The following CYTH3 variants were observed in gnomAD, a reference collection of about 807,000 sequenced individuals.
The protein encoded by CYTH3 is cytohesin 3.
In CYTH3, 23 loss-of-function variants were observed where a neutral mutation model predicts 55.1. The observed-to-expected ratio is 0.42, with a 90% CI of 0.30 to 0.59. The LOEUF (loss-of-function observed/expected upper bound fraction) is 0.59. CYTH3 is among the 20% of genes least tolerant of loss of function. CYTH3 has a pLI of 0.20. For synonymous variants in CYTH3, 249 were observed against 194.9 expected (o/e 1.28, Z -2.31); for missense variants, 413 against 524.8 (o/e 0.79, Z 2.08).
rs751144629 is a variant in CYTH3 at position 6,170,652 on chromosome 7, A to G, written c.712-6T>C. ...TTAATGCTCTCATACAAATTCTGCA[A>G]GGAGGGAAAACAGCAGCCAGTTCAG... On this transcript the variant is annotated splice_polypyrimidine_tract_variant and splice_region_variant and intron_variant, in intron 8 of 12. Coordinates refer to ENST00000350796, the MANE Select transcript of CYTH3 (RefSeq NM_004227.4). This position sits in a 1 kb window ranked among gnomAD's most constrained non-coding sequence, Gnocchi z 7.8. The G allele has an allele frequency of 2.5e-6, 4 of 1,612,606 alleles. No individual in the cohort carries two copies. The African/African-American group carries it at 4.0e-5, about 16-fold the overall frequency.
Position 6,272,457 on chromosome 7 carries a change from A to C in CYTH3, c.34+17T>G, listed in dbSNP as rs2115077237. On this transcript the variant is annotated intron_variant, in intron 1 of 12. Transcript: ENST00000350796. ...ACCCCAGGCCGCCGGCGAGCCCACC[A>C]CACCTCCGACACTCACCGCCACCAC... is the stretch of plus-strand genomic sequence containing the variant. 5 of 1,290,056 alleles carry C rather than the reference A, an allele frequency of 3.9e-6. No individual in the cohort carries two copies. The highest frequency in any genetic ancestry group is 2.8e-5 in the Admixed American group (1 of 35,490). 79.9% of individuals were successfully genotyped at this position (1,290,056 alleles called of 1,614,324 possible). A position where few individuals can be genotyped will look rare whatever the true frequency, so the allele number is the denominator to read the frequency against.
At chr7:6,221,500 G>T (rs772858540) in intron 1 of CYTH3, among the ~76,000 whole-genome samples, 37 of 152,058 alleles carry the variant, frequency 2.4e-4, no homozygotes, top group African/African-American at 8.7e-4. Context: ...TGATTGCAGC[G>T]GTGGCTACAT....
chr7:6,181,143 C>T (rs1783494194), intron 4 of CYTH3, among the ~76,000 whole-genome samples: 1 of 152,084 alleles, frequency 6.6e-6, no homozygotes, highest in African/African-American at 2.4e-5. Flanking sequence ...CTGTTCCTTC[C>T]TTCCTTCCTT....
intron 1 of CYTH3, among the ~76,000 whole-genome samples, chr7:6,223,836 TAAAAAAAAAA>T (rs58813864): frequency 2.1e-3 from 51 of 24,284 alleles, no homozygotes; most frequent in Non-Finnish European, 3.9e-3. Flanking sequence ...CAATAAATAC[TAAAAAAAAAA>T]AAAAAAAAAA....
At chr7:6,185,626 G>C (rs1419562872) in intron 4 of CYTH3, among the ~76,000 whole-genome samples, 1 of 151,734 alleles carries the variant, frequency 6.6e-6, no homozygotes, top group East Asian at 1.9e-4. Flanking sequence ...TGTGAACCCG[G>C]GAGGTGGAGC....
At chr7:6,255,014 C>G (rs1780062429) in intron 1 of CYTH3, among the ~76,000 whole-genome samples, 1 of 152,212 alleles carries the variant, frequency 6.6e-6, no homozygotes, top group Admixed American at 6.5e-5. Flanking sequence ...TCACTCTACT[C>G]AGTATGTAAA....
intron 1 of CYTH3, among the ~76,000 whole-genome samples, chr7:6,190,738 G>A (rs932775375): frequency 1.3e-5 from 2 of 152,038 alleles, no homozygotes; most frequent in East Asian, 1.9e-4. Flanking sequence ...GTAAGAACAC[G>A]AATAAATTGC....
chr7:6,236,965 T>A (rs752936925), intron 1 of CYTH3, among the ~76,000 whole-genome samples: 2 of 152,222 alleles, frequency 1.3e-5, no homozygotes, highest in Non-Finnish European at 2.9e-5. Flanking sequence ...ACAAAGACTC[T>A]CATGGTCAGT....
intron 1 of CYTH3, among the ~76,000 whole-genome samples, chr7:6,242,145 C>T (rs144158385): frequency 2.0e-3 from 296 of 149,562 alleles, no homozygotes; most frequent in African/African-American, 6.9e-3. Context: ...GGTACAATCT[C>T]GGCTCACTGC....
intron 1 of CYTH3, among the ~76,000 whole-genome samples, chr7:6,227,778 A>G (rs970431811): frequency 2.2e-4 from 34 of 152,230 alleles, no homozygotes; most frequent in African/African-American, 7.7e-4. Context: ...CCAATACGAT[A>G]TCTCATAAAC....
intron 1 of CYTH3, among the ~76,000 whole-genome samples, chr7:6,252,009 T>C (rs942524750): frequency 6.6e-6 from 1 of 152,190 alleles, no homozygotes; most frequent in Non-Finnish European, 1.5e-5. Flanking sequence ...CTTTAAAACA[T>C]AATTCATTTT....
At chr7:6,203,268 T>G (rs1252741389) in intron 1 of CYTH3, among the ~76,000 whole-genome samples, 1 of 152,144 alleles carries the variant, frequency 6.6e-6, no homozygotes, top group Non-Finnish European at 1.5e-5. Context: ...TATACTTCAC[T>G]GATTATAAGA....
chr7:6,254,955 T>C (rs1450257097), intron 1 of CYTH3, among the ~76,000 whole-genome samples: 2 of 152,232 alleles, frequency 1.3e-5, no homozygotes, highest in Non-Finnish European at 2.9e-5. Context: ...AATAATCATA[T>C]TGCCAATCAT....
chr7:6,196,456 CTTTTT>C (rs5882084), intron 1 of CYTH3, among the ~76,000 whole-genome samples: 3 of 113,986 alleles, frequency 2.6e-5, no homozygotes, highest in Admixed American at 1.9e-4. Context: ...TTCTTTTTTT[CTTTTT>C]TTTTTTTTTT....
chr7:6,209,441 C>A (rs939442367), intron 1 of CYTH3, among the ~76,000 whole-genome samples: 5 of 152,218 alleles, frequency 3.3e-5, no homozygotes, highest in Non-Finnish European at 7.3e-5. Context: ...CTTCTGAGAT[C>A]AAACCTGAAT....
rs574882757 is a variant in CYTH3, at chr7:6,170,287, C to A, written c.823+248G>T. Reference sequence around the variant, plus strand: ...TGGCTGGATCTGGATGCTAACTCAGCAGTTTTCTGGGACGGGCCGTGCAGC... The same window carrying A: ...TGGCTGGATCTGGATGCTAACTCAGAAGTTTTCTGGGACGGGCCGTGCAGC... On this transcript the variant is annotated intron_variant, in intron 9 of 12. Transcript: ENST00000350796. The surrounding 1 kb of genome is among the most constrained non-coding windows in gnomAD (Gnocchi z 7.8). 7.8e-6 allele frequency: 4 copies of A among 511,872 alleles called. No individual in the cohort carries two copies. The South Asian group carries it at 1.1e-4, about 14-fold the overall frequency. The allele number at this position is 511,872 out of a possible 1,614,324, so 31.7% of individuals were successfully genotyped here.
chr7:6,239,481 G>C (rs1779616714), intron 1 of CYTH3, among the ~76,000 whole-genome samples: 1 of 152,158 alleles, frequency 6.6e-6, no homozygotes, highest in Non-Finnish European at 1.5e-5. Flanking sequence ...TCCATATGGA[G>C]GGTCCAAGTG....
chr7:6,240,263 A>G (rs1779640050), intron 1 of CYTH3, among the ~76,000 whole-genome samples: 1 of 139,310 alleles, frequency 7.2e-6, no homozygotes, highest in Non-Finnish European at 1.5e-5. Context: ...AGATCGTGCC[A>G]TTGTACTCCA....
intron 1 of CYTH3, among the ~76,000 whole-genome samples, chr7:6,229,043 C>G (rs1384774937): frequency 6.6e-6 from 1 of 152,168 alleles, no homozygotes; most frequent in East Asian, 1.9e-4. Context: ...CACACCCCCT[C>G]TGAGCAGAGG....
Sources: gnomAD v4.1 joint callset for allele counts (sites outside exome capture counted in the v4.1 genomes callset) on GRCh38, gnomAD v4.1.1 for gene constraint, Gnocchi (gnomAD v3.1) non-coding constraint, MANE v1.5 for transcripts, NCBI Gene and HGNC (gene_info 2026-07-23, HGNC 2026-07-21) for gene names.